The following SLIT1 variants were observed in gnomAD, a reference collection of about 807,000 sequenced individuals.
The protein encoded by SLIT1 is slit guidance ligand 1, also known as slit homolog 1 protein.
A neutral mutation model predicts 186.1 loss-of-function variants in SLIT1; 66 were observed. That is an observed-to-expected ratio of 0.35 (90% CI 0.29 to 0.44). The LOEUF (loss-of-function observed/expected upper bound fraction) is 0.44. SLIT1 is among the 20% of genes least tolerant of loss of function. The pLI is 1.00. For synonymous variants in SLIT1, 761 were observed against 833.8 expected, an observed-to-expected ratio of 0.91 and a Z score of 1.50; for missense variants, 1,638 against 2,037.4, an observed-to-expected ratio of 0.80 and a Z score of 3.77.
intron 4 of SLIT1, among the ~76,000 whole-genome samples, chr10:97,134,011 A>C: frequency 6.6e-6 from 1 of 152,078 alleles, no homozygotes; most frequent in East Asian, 1.9e-4. Context: ...CACCCCACTA[A>C]AGGTGCTGTG....
At position 97,047,685 on chromosome 10, in the gene SLIT1, C is replaced by T; in HGVS notation, c.1634+5G>A. 1.2e-6 allele frequency: 2 copies of T among 1,613,294 alleles called. No individual in the cohort carries two copies. The highest frequency in any genetic ancestry group is 1.7e-6 in the Non-Finnish European group (2 of 1,179,846). On this transcript the variant is annotated splice_donor_5th_base_variant and intron_variant, in intron 16 of 36. Coordinates refer to ENST00000266058, the MANE Select transcript of SLIT1 (RefSeq NM_003061.3). The stretch of plus-strand genomic sequence containing the variant: ...GGGAGGGCTGGGGGGGCCAGGGACC[C>T]TCACAGTTCTGCCGTGGACTGGGGG...
chr10:97,041,284 A>G (rs1373137607), intron 20 of SLIT1, among the ~76,000 whole-genome samples: 4 of 152,170 alleles, frequency 2.6e-5, no homozygotes, highest in Non-Finnish European at 5.9e-5. Flanking sequence ...GCTTACATCA[A>G]TTGTGGAGCC....
Position 97,021,249 on chromosome 10 carries a change from C to T in SLIT1, c.2746+1G>A. 1 of 1,613,550 alleles carries T rather than the reference C, an allele frequency of 6.2e-7. No individual in the cohort carries two copies. The highest frequency in any genetic ancestry group is 1.1e-5 in the South Asian group (1 of 90,982). On this transcript the variant is annotated splice_donor_variant, in intron 26 of 36. Transcript: ENST00000266058. LOFTEE classifies it high-confidence loss of function. The surrounding 1 kb of genome is among the most constrained non-coding windows in gnomAD (Gnocchi z 4.5). ...GCAGGAGGCTGTGCTCCTAGGCTCA[C>T]CTTGGCATTCAAACTTCTTGGCAGG...
chr10:97,107,836 G>C (rs1849428837), intron 4 of SLIT1, among the ~76,000 whole-genome samples: 2 of 152,026 alleles, frequency 1.3e-5, no homozygotes, highest in African/African-American at 4.8e-5. Flanking sequence ...GCTGGGGACA[G>C]AGAGGTGCCA....
At chr10:97,101,499 G>A (rs1195299701) in intron 4 of SLIT1, 1 of 152,244 alleles carries the variant, frequency 6.6e-6, no homozygotes, top group Non-Finnish European at 1.5e-5. Flanking sequence ...TGACAAGAAA[G>A]CCCAGAGAGG....
chr10:97,131,077 A>C (rs994944517), intron 4 of SLIT1, among the ~76,000 whole-genome samples: 1 of 152,150 alleles, frequency 6.6e-6, no homozygotes, highest in Admixed American at 6.5e-5. Context: ...GCCAGGTGAG[A>C]CCGACAGCAT....
rs1352957826 is a variant in SLIT1, at chr10:97,114,081, G to A, written c.413+43737C>T. 5.3e-5 allele frequency among the ~76,000 whole-genome samples: 8 copies of A among 152,244 alleles called. No homozygotes were observed. In the East Asian group the frequency reaches 7.7e-4, roughly 15 times the overall value. ...CTGTCCTAGCAAGGCAGGAAGTGAG[G>A]ACAAGGGACCTAGCAAAGGAGCACC... On this transcript the variant is annotated intron_variant, in intron 4 of 36. Coordinates refer to ENST00000266058, the MANE Select transcript of SLIT1 (RefSeq NM_003061.3).
intron 25 of SLIT1, among the ~76,000 whole-genome samples, chr10:97,023,563 A>T (rs1848519603): frequency 6.6e-6 from 1 of 152,166 alleles, no homozygotes; most frequent in Admixed American, 6.5e-5. Flanking sequence ...GTTTCTTACC[A>T]ATCTGATGGG....
At chr10:97,031,494 C>T (rs1848590118) in intron 24 of SLIT1, 112 bp downstream of exon 24, 1 of 787,724 alleles carries the variant, frequency 1.3e-6, no homozygotes, top group African/African-American at 1.7e-5. Flanking sequence ...CTCTGGACTC[C>T]ACCATGGCAC....
chr10:97,056,531 G>A (rs1848838066), intron 12 of SLIT1, 67 bp from the exon 13 acceptor site: 2 of 1,549,032 alleles, frequency 1.3e-6, no homozygotes, highest in Non-Finnish European at 1.8e-6. Flanking sequence ...TCAGGTCCTG[G>A]GCACCTTCTT....
chr10:97,059,204 G>C (rs1848868313), intron 11 of SLIT1, among the ~76,000 whole-genome samples: 1 of 152,252 alleles, frequency 6.6e-6, no homozygotes, highest in African/African-American at 2.4e-5. Context: ...CCAGTTGCCA[G>C]GGGCAACAGC....
intron 4 of SLIT1, among the ~76,000 whole-genome samples, chr10:97,145,864 C>T (rs1849812174): frequency 6.6e-6 from 1 of 152,138 alleles, no homozygotes; most frequent in Non-Finnish European, 1.5e-5. Flanking sequence ...GGGCTCCTTG[C>T]CCTACAGCAT....
At chr10:97,032,668 A>G (rs7086186) in intron 23 of SLIT1, among the ~76,000 whole-genome samples, 47,314 of 152,078 alleles carry the variant, frequency 0.31, 7,656 homozygotes, top group African/African-American at 0.36. Flanking sequence ...GCTTCCAAGT[A>G]ACTGAATCCA....
At chr10:97,141,691 C>T (rs1216403548) in intron 4 of SLIT1, among the ~76,000 whole-genome samples, 1 of 101,328 alleles carries the variant, frequency 9.9e-6, no homozygotes, top group Non-Finnish European at 1.9e-5. Context: ...TGTATCGTAT[C>T]GTATCGTATC....
At chr10:97,027,589 A>G (rs1848556905) in intron 25 of SLIT1, among the ~76,000 whole-genome samples, 1 of 152,232 alleles carries the variant, frequency 6.6e-6, no homozygotes, top group African/African-American at 2.4e-5. Context: ...GCCACTTTCT[A>G]CAAGTACTGC....
At chr10:97,030,924 C>G (rs1403642975) in intron 24 of SLIT1, 96 bp from the exon 25 acceptor site, 4 of 1,019,130 alleles carry the variant, frequency 3.9e-6, no homozygotes, top group Non-Finnish European at 6.1e-6. Context: ...AGGGGACAGG[C>G]CGTGCCTTCC....
At chr10:97,046,550 G>A (rs1589373554) in intron 18 of SLIT1, 104 bp downstream of exon 18, 3 of 1,201,924 alleles carry the variant, frequency 2.5e-6, no homozygotes, top group Non-Finnish European at 3.4e-6. Context: ...CCTCCTGCAA[G>A]CTGGGCCCAG....
rs1385522580 is a variant in SLIT1 at position 97,066,029 on chromosome 10, C to T, written c.471G>A (p.Thr157=). The T allele has an allele frequency of 2.9e-5, 47 of 1,604,080 alleles. No individual in the cohort carries two copies. Among genetic ancestry groups the T allele is most frequent in the East Asian group, 1.1e-4 (5 of 44,814 alleles). The part of the protein sequence containing the change: ...AIPRKAFRGA[T]DLKNLQLDKN... Reference sequence around the variant, plus strand: ...CCTGTACTCACAAATTTTTAAGGTCCGTAGCTCCCCGAAAAGCTTTCCTGG... The same window carrying T: ...CCTGTACTCACAAATTTTTAAGGTCTGTAGCTCCCCGAAAAGCTTTCCTGG... Residue 157 remains threonine, a synonymous_variant, in exon 5 of 37, where the codon ACG becomes ACA. Coordinates refer to ENST00000266058, the MANE Select transcript of SLIT1 (RefSeq NM_003061.3).
At chr10:97,012,516 T>G (rs1471112606) in intron 30 of SLIT1, among the ~76,000 whole-genome samples, 2 of 152,210 alleles carry the variant, frequency 1.3e-5, no homozygotes, top group Non-Finnish European at 1.5e-5. Context: ...AGCACAATGC[T>G]TGCCCTTCGT....
Sources: gnomAD v4.1 joint callset for allele counts (sites outside exome capture counted in the v4.1 genomes callset) on GRCh38, gnomAD v4.1.1 for gene constraint, Gnocchi (gnomAD v3.1) non-coding constraint, MANE v1.5 for transcripts, NCBI Gene and HGNC (gene_info 2026-07-23, HGNC 2026-07-21) for gene names.